The following ABCG2 variants were observed in gnomAD, a reference collection of about 807,000 sequenced individuals.
The protein encoded by ABCG2 is ATP binding cassette subfamily G member 2 (JR blood group).
ABCG2 carries 80 observed loss-of-function variants against 73.5 expected under a neutral mutation model. The observed-to-expected ratio is 1.09, with a 90% CI of 0.91 to 1.31. The LOEUF (loss-of-function observed/expected upper bound fraction) is 1.31. Ranked by LOEUF, ABCG2 falls within the 50% of genes most tolerant of loss-of-function variation. ABCG2 has a pLI of 0.00. For synonymous variants in ABCG2, 269 were observed against 282.4 expected (o/e 0.95, Z 0.48); for missense variants, 796 against 786.2 (o/e 1.01, Z -0.15).
At position 88,178,988 on chromosome 4, in the gene ABCG2, G is replaced by A. The variant is rs916678161; in HGVS notation, c.-19-38974C>T. On this transcript the variant is annotated intron_variant, in intron 1 of 15. Coordinates refer to the ABCG2 transcript ENST00000515655. ...GAGAACTTGCTGCCCTGAAGGGAAG[G>A]ACACAACCTGGCTGACTTCACCACC... Among the ~76,000 whole-genome samples, 25 of 152,168 alleles carry A rather than the reference G, an allele frequency of 1.6e-4. 1 individual carries two copies. The highest frequency in any genetic ancestry group is 6.0e-4 in the African/African-American group (25 of 41,444).
At chr4:88,159,297 T>C (rs1263064886), upstream of ABCG2, 2 of 445,872 alleles carry the variant, frequency 4.5e-6, no homozygotes, top group Non-Finnish European at 9.0e-6. Flanking sequence ...TCACAAGCGC[T>C]GCTCGCACCC....
chr4:88,134,926 A>G (rs1231157559), intron 2 of ABCG2, among the ~76,000 whole-genome samples: 1 of 152,194 alleles, frequency 6.6e-6, no homozygotes, highest in Non-Finnish European at 1.5e-5. Flanking sequence ...AACGAAAAAC[A>G]AAGTCTGAGC....
chr4:88,217,973 TAA>T (rs34088003), intron 1 of ABCG2, among the ~76,000 whole-genome samples: 127,001 of 139,808 alleles, frequency 0.91, 57,662 homozygotes, highest in East Asian at 0.99. Context: ...TTCTAAAAAT[TAA>T]AAAAAAAAAA....
chr4:88,202,350 TTATTTATATATATA>T (rs752175257), intron 1 of ABCG2, among the ~76,000 whole-genome samples: 535 of 35,396 alleles, frequency 0.015, 66 homozygotes, highest in South Asian at 0.11. Context: ...ATCTCTACAA[TTATTTATATATATA>T]TATATATATA....
intron 5 of ABCG2, among the ~76,000 whole-genome samples, chr4:88,125,971 T>C (rs1724380732): frequency 6.6e-6 from 1 of 152,160 alleles, no homozygotes. Context: ...GAAAAAACCC[T>C]TCAAACAAAT....
intron 1 of ABCG2, among the ~76,000 whole-genome samples, chr4:88,152,488 G>A (rs1294934517): frequency 1.3e-5 from 2 of 152,130 alleles, no homozygotes; most frequent in East Asian, 3.9e-4. Context: ...GGGTAAAGGG[G>A]GTTTGTTCTC....
At chr4:88,145,550 G>A (rs984421742) in intron 1 of ABCG2, among the ~76,000 whole-genome samples, 1 of 152,150 alleles carries the variant, frequency 6.6e-6, no homozygotes, top group Non-Finnish European at 1.5e-5. Context: ...CAGACAGGAA[G>A]AGACCCCATC....
intron 1 of ABCG2, among the ~76,000 whole-genome samples, chr4:88,181,907 G>T (rs1485046940): frequency 6.6e-6 from 1 of 151,698 alleles, no homozygotes; most frequent in African/African-American, 2.4e-5. Context: ...TAACAAAATG[G>T]CAGGACTAAG....
chr4:88,191,127 C>A (rs1422206396), intron 1 of ABCG2, among the ~76,000 whole-genome samples: 1 of 150,518 alleles, frequency 6.6e-6, no homozygotes, highest in African/African-American at 2.4e-5. Flanking sequence ...TGCCTGTAGT[C>A]CCAGCTATTC....
At chr4:88,121,082 A>C (rs2110021116) in intron 6 of ABCG2, among the ~76,000 whole-genome samples, 1 of 152,318 alleles carries the variant, frequency 6.6e-6, no homozygotes, top group South Asian at 2.1e-4. Flanking sequence ...GTACACAAAA[A>C]CATTCTGCCT....
intron 2 of ABCG2, among the ~76,000 whole-genome samples, chr4:88,133,132 G>T (rs951159425): frequency 1.3e-5 from 2 of 152,182 alleles, no homozygotes; most frequent in African/African-American, 4.8e-5. Context: ...TCTTAACACA[G>T]TGTGAAACGA....
chr4:88,151,847 A>T (rs1353868482), intron 1 of ABCG2, among the ~76,000 whole-genome samples: 1 of 152,146 alleles, frequency 6.6e-6, no homozygotes, highest in Non-Finnish European at 1.5e-5. Flanking sequence ...GTATACAAAG[A>T]TATAAAAGAA....
chr4:88,154,736 A>G (rs1181157140), intron 1 of ABCG2, among the ~76,000 whole-genome samples: 1 of 152,082 alleles, frequency 6.6e-6, no homozygotes, highest in Non-Finnish European at 1.5e-5. Context: ...AACAATGGTA[A>G]TTGTGGGAGA....
rs1174472816 is a variant in ABCG2, at chr4:88,090,980, TA to T, written c.*1253del. 6.6e-6 allele frequency: 1 copy of T among 152,222 alleles called. No homozygotes were observed. Among genetic ancestry groups the T allele is most frequent in the Non-Finnish European group, 1.5e-5 (1 of 68,032 alleles). 9.4% of individuals were successfully genotyped at this position (152,222 alleles called of 1,614,324 possible). ...AATTATTTCCAAATTAAAAGTTTAT[TA>T]AAAAGTGGGGAGATAATTAAGTATC... On this transcript the variant is annotated 3_prime_UTR_variant, in exon 16 of 16. Transcript: ENST00000237612.
At chr4:88,159,021 C>A, upstream of ABCG2, 2 of 389,146 alleles carry the variant, frequency 5.1e-6, no homozygotes, top group African/African-American at 2.1e-5. Flanking sequence ...CGGCTGAAAG[C>A]GCACACGTGT....
intron 10 of ABCG2, among the ~76,000 whole-genome samples, chr4:88,104,467 T>C (rs776840428): frequency 1.3e-5 from 2 of 152,098 alleles, no homozygotes; most frequent in African/African-American, 4.8e-5. Flanking sequence ...CACTTTAACA[T>C]AGTCCAAATG....
At chr4:88,152,574 T>C (rs1726581548) in intron 1 of ABCG2, among the ~76,000 whole-genome samples, 1 of 152,020 alleles carries the variant, frequency 6.6e-6, no homozygotes, top group Non-Finnish European at 1.5e-5. Flanking sequence ...GAGAAGGAAT[T>C]TCACAAGGTA....
intron 12 of ABCG2, among the ~76,000 whole-genome samples, chr4:88,098,556 T>C (rs1269228138): frequency 3.3e-5 from 5 of 151,060 alleles, no homozygotes; most frequent in Non-Finnish European, 7.4e-5. Flanking sequence ...ATTTTATGTA[T>C]CTCTAAGAGA....
chr4:88,182,515 T>C (rs1289557651), intron 1 of ABCG2, among the ~76,000 whole-genome samples: 1 of 151,990 alleles, frequency 6.6e-6, no homozygotes, highest in Non-Finnish European at 1.5e-5. Flanking sequence ...AGCAAGTCTT[T>C]AAAAATTCAA....
Sources: gnomAD v4.1 joint callset for allele counts (sites outside exome capture counted in the v4.1 genomes callset) on GRCh38, gnomAD v4.1.1 for gene constraint, MANE v1.5 for transcripts, NCBI Gene and HGNC (gene_info 2026-07-23, HGNC 2026-07-21) for gene names.